STAT6: variants seen among roughly 807,000 people sequenced by gnomAD.
STAT6 encodes the protein signal transducer and activator of transcription 6.
In STAT6, 45 loss-of-function variants were observed where a neutral mutation model predicts 106.3. That is an observed-to-expected ratio of 0.42 (90% CI 0.33 to 0.54). STAT6 has a LOEUF of 0.54. STAT6 is among the 20% of genes least tolerant of loss of function. The pLI is 0.06. For missense variants in STAT6, 797 were observed against 1,062.2 expected (o/e 0.75, Z 3.47); for synonymous variants, 413 against 413.6 (o/e 1.00, Z 0.02).
In STAT6 at chr12:57,096,701, A is replaced by C. The variant is rs759051663; in HGVS notation, c.2415T>G (p.Leu805=). ...CCGACTCCCCTTGCCCCTCCAGGAGAAGCTTAGTGAGGTCCTGTTCAGTGG... is the reference window on the plus strand; with the variant it reads ...CCGACTCCCCTTGCCCCTCCAGGAGCAGCTTAGTGAGGTCCTGTTCAGTGG... ...LPPTEQDLTK[L]LLEGQGESGG... is the part of the protein sequence containing the mutation. Residue 805 remains leucine (L), a synonymous_variant, in exon 22 of 22, where the codon CTT becomes CTG. Transcript: ENST00000300134. 2 of 1,608,590 alleles carry C rather than the reference A, an allele frequency of 1.2e-6. No individual in the cohort carries two copies. The highest frequency in any genetic ancestry group is 1.7e-5 in the Admixed American group (1 of 57,940).
At chr12:57,106,035 G>C in intron 7 of STAT6, 156 bp downstream of exon 7, 1 of 1,296,064 alleles carries the variant, frequency 7.7e-7, no homozygotes, top group South Asian at 1.5e-5. Context: ...CGACCTGAAC[G>C]ACAGTGTGCA....
intron 13 of STAT6, chr12:57,100,817 T>C (rs550380721): frequency 2.1e-4 from 93 of 449,856 alleles, no homozygotes; most frequent in South Asian, 1.4e-3. Flanking sequence ...GTCAGAAATA[T>C]GTGGTTCTCT....
At chr12:57,100,155 G>T in intron 13 of STAT6, 65 bp from the exon 14 acceptor site, 1 of 1,411,598 alleles carries the variant, frequency 7.1e-7, no homozygotes, top group Non-Finnish European at 9.8e-7. Flanking sequence ...TTTAGGGCAG[G>T]CAGTGAGCTG....
chr12:57,110,649 G>C lies in STAT6; in HGVS notation c.-22+480C>G, dbSNP rs191212288. On this transcript the variant is annotated intron_variant, in intron 1 of 21. Coordinates refer to ENST00000300134, the MANE Select transcript of STAT6 (RefSeq NM_003153.5). Reference sequence around the variant, plus strand: ...GTCTACAGCAGCCAAGCGTGGAGCAGTTTTGAGGGGGAAATTCCCCCTCGT... The same window carrying C: ...GTCTACAGCAGCCAAGCGTGGAGCACTTTTGAGGGGGAAATTCCCCCTCGT... 2.0e-5 allele frequency: 3 copies of C among 152,216 alleles called. No individual in the cohort carries two copies. The East Asian group carries it at 5.8e-4, about 29-fold the overall frequency. 9.4% of individuals were successfully genotyped at this position (152,216 alleles called of 1,614,324 possible).
chr12:57,106,050 C>T, intron 7 of STAT6, 141 bp downstream of exon 7: 2 of 1,410,094 alleles, frequency 1.4e-6, no homozygotes, highest in South Asian at 1.4e-5. Flanking sequence ...TGTGCACAGC[C>T]CCGCTGGAAC....
chr12:57,101,540 T>C (rs1592557045), intron 13 of STAT6, among the ~76,000 whole-genome samples: 1 of 151,824 alleles, frequency 6.6e-6, no homozygotes, highest in Non-Finnish European at 1.5e-5. Flanking sequence ...ATTTTTTTGT[T>C]TTTAGTAGAG....
chr12:57,100,194 C>T, intron 13 of STAT6, 104 bp from the exon 14 acceptor site: 2 of 985,764 alleles, frequency 2.0e-6, no homozygotes, highest in Non-Finnish European at 3.1e-6. Context: ...AATCACAGGG[C>T]TGAGGATCAG....
At position 57,099,305 on chromosome 12, in the gene STAT6, C is replaced by T. The variant is rs765860987; in HGVS notation, c.1880G>A (p.Ser627Asn). ...PKKPKDEAFR[S>N]HYKPEQMGKD... ...CAGTTCCAGCTCACGCTTGTAGTGG[C>T]TCCGGAAAGCCTCATCCTTGGGCTT... The change falls in exon 16 of 22, where the codon AGC becomes AAC. Residue 627 changes from serine (S) to asparagine (N), a missense_variant. This residue lies in a region of STAT6 where 222 missense variants were observed against 354.6 expected (regional missense o/e 0.63). Coordinates refer to ENST00000300134, the MANE Select transcript of STAT6 (RefSeq NM_003153.5). This position sits in a 1 kb window ranked among gnomAD's most constrained non-coding sequence, Gnocchi z 4.7. 1 of 1,614,160 alleles carries T rather than the reference C, an allele frequency of 6.2e-7. No homozygotes were observed. Among genetic ancestry groups the T allele is most frequent in the Admixed American group, 1.7e-5 (1 of 60,024 alleles).
chr12:57,101,592 G>C (rs1344885805), intron 13 of STAT6, among the ~76,000 whole-genome samples: 3 of 148,910 alleles, frequency 2.0e-5, no homozygotes, highest in Non-Finnish European at 4.4e-5. Flanking sequence ...TCGAACTCCT[G>C]ACCTCAGGTG....
chr12:57,106,136 G>A (rs2034260346), intron 7 of STAT6, 55 bp downstream of exon 7: 1 of 1,607,740 alleles, frequency 6.2e-7, no homozygotes, highest in South Asian at 1.1e-5. Flanking sequence ...GCCTTCAGCA[G>A]GGTCAGCTGC....
Position 57,104,485 on chromosome 12 carries a change from G to C in STAT6, c.1191C>G (p.Gly397=), listed in dbSNP as rs140238273. 3 of 1,610,178 alleles carry C rather than the reference G, an allele frequency of 1.9e-6. No individual in the cohort carries two copies. Among genetic ancestry groups the C allele is most frequent in the Non-Finnish European group, 2.5e-6 (3 of 1,178,624 alleles). Residue 397 remains glycine (G), a synonymous_variant, in exon 11 of 22, where the codon GGC becomes GGG. Coordinates refer to ENST00000300134, the MANE Select transcript of STAT6 (RefSeq NM_003153.5). Reference sequence around the variant, plus strand: ...TCACCTGGAGCTGGATGGGGAGTTTGCCGGGGCCAAGTGTGAAGCTGGCAG... The same window carrying C: ...TCACCTGGAGCTGGATGGGGAGTTTCCCGGGGCCAAGTGTGAAGCTGGCAG... The part of the protein sequence containing the change: ...LFSASFTLGP[G]KLPIQLQALS...
In STAT6 at chr12:57,107,698, A is replaced by G; in HGVS notation, c.162T>C (p.Ser54=). 1.2e-6 allele frequency: 2 copies of G among 1,613,982 alleles called. No homozygotes were observed. Among genetic ancestry groups the G allele is most frequent in the Non-Finnish European group, 1.7e-6 (2 of 1,179,996 alleles). ...GCTGGACAGTGTCTGAAAGTAGGGC[A>G]CTAGCCAAGTTGCAGCAGAAGGCGT... The part of the protein sequence containing the change: ...GSDAFCCNLA[S]ALLSDTVQHL... The change falls in exon 3 of 22, where the codon AGT becomes AGC. Residue 54 remains serine, a synonymous_variant. Coordinates refer to ENST00000300134, the MANE Select transcript of STAT6 (RefSeq NM_003153.5).
intron 7 of STAT6, 165 bp from the exon 8 acceptor site, chr12:57,105,764 T>G: frequency 8.2e-7 from 1 of 1,220,474 alleles, no homozygotes; most frequent in South Asian, 1.6e-5. Flanking sequence ...CTGTGATCTG[T>G]TGGCCTAGGG....
chr12:57,100,024 G>A lies in STAT6; in HGVS notation c.1579C>T (p.Arg527Cys), dbSNP rs1172531169. Reference sequence around the variant, plus strand: ...TCAGACCAGTAGCTCCGGAGACAGCGTTTGGTGAGGTCCAGGACACCATCA... The same window carrying A: ...TCAGACCAGTAGCTCCGGAGACAGCATTTGGTGAGGTCCAGGACACCATCA... ...WFDGVLDLTKRCLRSYWSDRL... is the reference protein window; with the variant it reads ...WFDGVLDLTKCCLRSYWSDRL... The change falls in exon 14 of 22, where the codon CGC (arginine) becomes TGC (cysteine). Residue 527 changes from arginine (R) to cysteine (C), a missense_variant. Around this residue, in one of 4 missense-constraint regions of STAT6, gnomAD observed 222 missense variants for 354.6 expected, o/e 0.63. Transcript: ENST00000300134. 4 of 1,612,866 alleles carry A rather than the reference G, an allele frequency of 2.5e-6. No individual in the cohort carries two copies. Among genetic ancestry groups the A allele is most frequent in the Admixed American group, 1.7e-5 (1 of 59,786 alleles).
At chr12:57,102,552 G>A in intron 12 of STAT6, 56 bp from the exon 13 acceptor site, 1 of 1,573,734 alleles carries the variant, frequency 6.4e-7, no homozygotes, top group Non-Finnish European at 8.6e-7. Context: ...TTATTCCTCG[G>A]GCCGGCCTTC....
At chr12:57,107,339 G>T (rs779940251) in intron 3 of STAT6, 25 bp from the exon 4 acceptor site, 1 of 1,605,408 alleles carries the variant, frequency 6.2e-7, no homozygotes, top group Non-Finnish European at 8.5e-7. Flanking sequence ...GTGGTAAACA[G>T]TGAGCTTTGC....
intron 7 of STAT6, chr12:57,105,893 G>A: frequency 3.1e-6 from 2 of 637,590 alleles, no homozygotes; most frequent in Non-Finnish European, 5.2e-6. Flanking sequence ...GTGGCAAATT[G>A]GAAAGTGTTC....
chr12:57,103,233 T>C (rs534165307), intron 11 of STAT6: 37 of 199,048 alleles, frequency 1.9e-4, no homozygotes, highest in South Asian at 1.1e-3. Context: ...GGCGCGATCT[T>C]GGCTCACTGC....
At chr12:57,107,445 A>C in intron 3 of STAT6, 131 bp from the exon 4 acceptor site, 1 of 1,305,488 alleles carries the variant, frequency 7.7e-7, no homozygotes, top group Non-Finnish European at 1.1e-6. Context: ...GTTTTTGTGC[A>C]TTTGCATGCT....
Sources: gnomAD v4.1 joint callset for allele counts (sites outside exome capture counted in the v4.1 genomes callset) on GRCh38, gnomAD v4.1.1 for gene constraint, gnomAD v4.1.1 regional missense constraint, Gnocchi (gnomAD v3.1) non-coding constraint, MANE v1.5 for transcripts, NCBI Gene and HGNC (gene_info 2026-07-23, HGNC 2026-07-21) for gene names.